SDK1: variants seen among roughly 807,000 people sequenced by gnomAD.
SDK1 encodes the protein protein sidekick-1.
A neutral mutation model predicts 245.5 loss-of-function variants in SDK1; 157 were observed. That is an observed-to-expected ratio of 0.64 (90% CI 0.56 to 0.73). SDK1 has a LOEUF of 0.73. Ranked by LOEUF, SDK1 falls within the 30% of genes least tolerant of loss-of-function variation. The probability of loss-of-function intolerance (pLI) is 0.00; values close to 1 mark genes in which losing one functional copy is unlikely to be tolerated. For missense variants in SDK1, 3,583 were observed against 3,002.3 expected (o/e 1.19, Z -4.52); for synonymous variants, 1,647 against 1,278.5 (o/e 1.29, Z -6.15).
At chr7:3,655,788 C>G (rs186213482) in intron 4 of SDK1, among the ~76,000 whole-genome samples, 11 of 151,710 alleles carry the variant, frequency 7.3e-5, no homozygotes, top group Non-Finnish European at 1.5e-4. Context: ...TACACTAGAT[C>G]GAGACTCAGA....
chr7:3,627,932 C>T (rs892321901), intron 2 of SDK1, among the ~76,000 whole-genome samples: 1 of 152,186 alleles, frequency 6.6e-6, no homozygotes, highest in African/African-American at 2.4e-5. Flanking sequence ...TTCCCATCAG[C>T]CAAGCCATTT....
At chr7:4,129,776 T>A (rs1784669585) in intron 26 of SDK1, 132 bp from the exon 27 acceptor site, 1 of 1,505,980 alleles carries the variant, frequency 6.6e-7, no homozygotes, top group Admixed American at 2.1e-5. Context: ...CCAGAAGCCC[T>A]GCACACAGCC....
intron 42 of SDK1, among the ~76,000 whole-genome samples, chr7:4,240,400 G>A (rs767098339): frequency 1.3e-5 from 2 of 152,042 alleles, no homozygotes; most frequent in Non-Finnish European, 2.9e-5. Flanking sequence ...CCCTCCCTGC[G>A]TGCACTCCTT....
intron 35 of SDK1, among the ~76,000 whole-genome samples, chr7:4,190,488 A>T (rs903245307): frequency 1.9e-4 from 29 of 152,228 alleles, no homozygotes; most frequent in African/African-American, 6.8e-4. Context: ...CCCGGGCGCT[A>T]TCCCACCCTC....
chr7:3,476,326 G>A (rs1309629318), intron 1 of SDK1, among the ~76,000 whole-genome samples: 2 of 152,106 alleles, frequency 1.3e-5, no homozygotes, highest in South Asian at 4.1e-4. Context: ...ATATTTTTCA[G>A]TTGCCGTTAC....
intron 17 of SDK1, among the ~76,000 whole-genome samples, chr7:4,027,413 G>T (rs1008567597): frequency 1.3e-5 from 2 of 152,192 alleles, no homozygotes; most frequent in African/African-American, 2.4e-5. Flanking sequence ...TGTAGGTGGG[G>T]TTTGCACAGT....
intron 1 of SDK1, among the ~76,000 whole-genome samples, chr7:3,378,021 C>T (rs531283441): frequency 2.4e-4 from 37 of 152,222 alleles, no homozygotes; most frequent in Non-Finnish European, 1.2e-4. Context: ...TCAAGTGATC[C>T]GCCTGCCTCG....
At chr7:4,193,534 C>A (rs994233182) in intron 35 of SDK1, among the ~76,000 whole-genome samples, 17 of 151,730 alleles carry the variant, frequency 1.1e-4, no homozygotes, top group African/African-American at 3.9e-4. Context: ...TCAGTGTCCC[C>A]AGCTTCATCA....
intron 14 of SDK1, among the ~76,000 whole-genome samples, chr7:3,988,132 G>GTTTT (rs71032919): frequency 3.5e-5 from 3 of 85,420 alleles, no homozygotes; most frequent in African/African-American, 9.0e-5. Context: ...TCTTTTTAAT[G>GTTTT]TTTTTTTTTT....
At chr7:3,776,032 C>T (rs936687891) in intron 4 of SDK1, among the ~76,000 whole-genome samples, 1 of 152,234 alleles carries the variant, frequency 6.6e-6, no homozygotes, top group South Asian at 2.1e-4. Flanking sequence ...TCCCACCCTG[C>T]ATTGTCCACA....
At chr7:3,627,211 G>C (rs1782149198) in intron 2 of SDK1, among the ~76,000 whole-genome samples, 1 of 152,150 alleles carries the variant, frequency 6.6e-6, no homozygotes, top group African/African-American at 2.4e-5. Context: ...TTACAGGCGT[G>C]AGCTGCCATG....
chr7:3,933,314 T>G (rs1780046595), intron 5 of SDK1, among the ~76,000 whole-genome samples: 1 of 151,984 alleles, frequency 6.6e-6, no homozygotes, highest in African/African-American at 2.4e-5. Flanking sequence ...AGTTTTACCA[T>G]GTTGCCATGG....
At chr7:3,309,884 T>TA (rs1468050639) in intron 1 of SDK1, among the ~76,000 whole-genome samples, 1 of 152,242 alleles carries the variant, frequency 6.6e-6, no homozygotes, top group Admixed American at 6.5e-5. Context: ...TTGGCTCTTC[T>TA]AAAATGGTTG....
Position 3,967,321 on chromosome 7 carries a change from T to G in SDK1, c.1433T>G (p.Ile478Ser). The change falls in exon 10 of 45, where the codon ATC (isoleucine) becomes AGC (serine). Residue 478 changes from isoleucine to serine, a missense_variant. By Grantham distance (142) the Ile-to-Ser change is moderately radical. Transcript: ENST00000404826. ...TTTCATTTACTCCTCTTCTCAGATA[T>G]CGCTCCAGTGTTCACCCAGCGGCCA... is the stretch of plus-strand genomic sequence containing the variant. ...QTHTYLDVTN[I>S]APVFTQRPVD... 1 of 1,612,482 alleles carries G rather than the reference T, an allele frequency of 6.2e-7. No individual in the cohort carries two copies. Among genetic ancestry groups the G allele is most frequent in the African/African-American group, 1.3e-5 (1 of 75,006 alleles).
intron 4 of SDK1, among the ~76,000 whole-genome samples, chr7:3,771,426 G>A (rs147528776): frequency 2.9e-4 from 44 of 152,260 alleles, no homozygotes; most frequent in Middle Eastern, 6.8e-3. Flanking sequence ...AGGTACAGGG[G>A]AGCATAAAGA....
intron 1 of SDK1, among the ~76,000 whole-genome samples, chr7:3,550,221 G>A (rs1372651874): frequency 3.1e-4 from 47 of 151,960 alleles, no homozygotes; most frequent in Non-Finnish European, 5.9e-5. Context: ...AATTATAAAG[G>A]ATTTCTTAAA....
At chr7:4,207,141 T>C (rs1379545839) in intron 36 of SDK1, among the ~76,000 whole-genome samples, 1 of 152,212 alleles carries the variant, frequency 6.6e-6, no homozygotes, top group Non-Finnish European at 1.5e-5. Flanking sequence ...TGAACGATGC[T>C]CACCAGTCAG....
At chr7:3,678,188 G>A (rs12537743) in intron 4 of SDK1, among the ~76,000 whole-genome samples, 69,064 of 152,128 alleles carry the variant, frequency 0.45, 18,505 homozygotes, top group Non-Finnish European at 0.62. Context: ...TGGTGGAAAT[G>A]TAAAATGGTT....
At chr7:3,614,254 AAGAAT>A (rs1173171130) in intron 1 of SDK1, among the ~76,000 whole-genome samples, 2 of 152,318 alleles carry the variant, frequency 1.3e-5, no homozygotes, top group African/African-American at 4.8e-5. Flanking sequence ...GTTCTATTTT[AAGAAT>A]AGAACACTTT....
Sources: allele counts gnomAD v4.1 joint callset (sites outside exome capture counted in the v4.1 genomes callset), GRCh38; gene constraint gnomAD v4.1.1; transcripts MANE v1.5; gene names NCBI Gene and HGNC (gene_info 2026-07-23, HGNC 2026-07-21).